PLEKHA8: variants seen among roughly 807,000 people sequenced by gnomAD.
PLEKHA8 encodes the protein pleckstrin homology domain-containing family A member 8.
A neutral mutation model predicts 68.2 loss-of-function variants in PLEKHA8; 36 were observed. The observed-to-expected ratio is 0.53, with a 90% CI of 0.40 to 0.70. The LOEUF (loss-of-function observed/expected upper bound fraction) is 0.70. PLEKHA8 is among the 30% of genes least tolerant of loss of function. PLEKHA8 has a pLI of 0.00. For synonymous variants in PLEKHA8, 211 were observed against 216.1 expected, an observed-to-expected ratio of 0.98 and a Z score of 0.20; for missense variants, 505 against 615.4, an observed-to-expected ratio of 0.82 and a Z score of 1.90.
At chr7:30,050,498 C>A in intron 6 of PLEKHA8, 24 bp downstream of exon 6, 2 of 1,529,726 alleles carry the variant, frequency 1.3e-6, no homozygotes, top group Non-Finnish European at 1.8e-6. Flanking sequence ...TTTCTTCTTG[C>A]TAAAAATTAA....
intron 13 of PLEKHA8, among the ~76,000 whole-genome samples, chr7:30,115,549 CG>C (rs1796413461): frequency 4.0e-5 from 2 of 50,382 alleles, no homozygotes; most frequent in Admixed American, 2.9e-4. Flanking sequence ...TACACATGCA[CG>C]TATACATGTA....
chr7:30,089,997 A>G (rs1484415989), intron 12 of PLEKHA8, among the ~76,000 whole-genome samples: 1 of 152,262 alleles, frequency 6.6e-6, no homozygotes, highest in East Asian at 1.9e-4. Flanking sequence ...AATTCCTGAA[A>G]GGATAAATGT....
chr7:30,056,154 A>G (rs1792838153), intron 9 of PLEKHA8, among the ~76,000 whole-genome samples: 1 of 150,484 alleles, frequency 6.6e-6, no homozygotes, highest in East Asian at 2.0e-4. Flanking sequence ...TGTGTTTGCC[A>G]GGATAGTCTT....
chr7:30,084,599 AT>A lies in PLEKHA8; in HGVS notation c.*5813del. On this transcript the variant is annotated 3_prime_UTR_variant, in exon 14 of 14. Transcript: ENST00000449726. ...ACTTTTTTTGCAAAAATGTTTGAAA[AT>A]ATCTGTCAGATTTTATATTCGTTAG... The A allele has an allele frequency of 1.0e-6, 1 of 955,250 alleles. No individual in the cohort carries two copies. Among genetic ancestry groups the A allele is most frequent in the Non-Finnish European group, 1.2e-6 (1 of 802,684 alleles). The allele number at this position is 955,250 out of a possible 1,614,324, so 59.2% of individuals were successfully genotyped here.
In PLEKHA8 at chr7:30,078,836, T is replaced by C; in HGVS notation, c.*49T>C. 2 of 1,579,212 alleles carry C rather than the reference T, an allele frequency of 1.3e-6. No individual in the cohort carries two copies. The highest frequency in any genetic ancestry group is 1.4e-5 in the African/African-American group (1 of 74,018). ...ACTTCAGGGAATAAGTGCTAAAGTGTTTTGTTGCCCTACTTAATTTCCAGC... is the reference window on the plus strand; with the variant it reads ...ACTTCAGGGAATAAGTGCTAAAGTGCTTTGTTGCCCTACTTAATTTCCAGC... On this transcript the variant is annotated 3_prime_UTR_variant, in exon 14 of 14. Coordinates refer to ENST00000449726, the MANE Select transcript of PLEKHA8 (RefSeq NM_001197026.2).
intron 1 of PLEKHA8, among the ~76,000 whole-genome samples, 167 bp downstream of exon 1, chr7:30,028,969 C>A (rs1790435858): frequency 6.6e-6 from 1 of 152,210 alleles, no homozygotes; most frequent in Admixed American, 6.5e-5. Context: ...ACCGTGTCGC[C>A]GTGCAGGACG....
In PLEKHA8 at chr7:30,080,604, A is replaced by C. The variant is rs1562537546; in HGVS notation, c.*1817A>C. ...ATTAATTAGGTATTTTGCCCACATA[A>C]AGACTTCTGGAAAATACTTAAACTT... On this transcript the variant is annotated 3_prime_UTR_variant, in exon 14 of 14. Coordinates refer to ENST00000449726, the MANE Select transcript of PLEKHA8 (RefSeq NM_001197026.2). 1 of 985,256 alleles carries C rather than the reference A, an allele frequency of 1.0e-6. No individual in the cohort carries two copies. The allele number at this position is 985,256 out of a possible 1,614,324, so 61.0% of individuals were successfully genotyped here.
chr7:30,054,994 C>A, intron 8 of PLEKHA8, 129 bp downstream of exon 8: 2 of 945,904 alleles, frequency 2.1e-6, no homozygotes, highest in Non-Finnish European at 3.2e-6. Flanking sequence ...CAAGTACCTG[C>A]TTTACTGTTT....
intron 1 of PLEKHA8, among the ~76,000 whole-genome samples, chr7:30,034,742 A>G (rs370159981): frequency 2.6e-5 from 4 of 152,338 alleles, no homozygotes; most frequent in South Asian, 2.1e-4. Flanking sequence ...CCGCATGTGC[A>G]CGGTTGAAAT....
chr7:30,090,603 G>C (rs1308737330), exon 13 of PLEKHA8: 1 of 173,738 alleles, frequency 5.8e-6, no homozygotes, highest in African/African-American at 2.4e-5. Flanking sequence ...AATAAATTGG[G>C]AATGGGAGAA....
rs1790389119 is a variant in PLEKHA8, at chr7:30,028,611, A to AGGCGGGCCGGGCGTCCCCAC, written c.-151_-132dup. 1 of 481,196 alleles carries AGGCGGGCCGGGCGTCCCCAC rather than the reference A, an allele frequency of 2.1e-6. No homozygotes were observed. The highest frequency in any genetic ancestry group is 3.3e-6 in the Non-Finnish European group (1 of 305,464). 29.8% of individuals were successfully genotyped at this position (481,196 alleles called of 1,614,324 possible). On this transcript the variant is annotated 5_prime_UTR_variant, in exon 1 of 14. Coordinates refer to ENST00000449726, the MANE Select transcript of PLEKHA8 (RefSeq NM_001197026.2). ...ACCCCGCCCCCGGGCCGAGGATGTGAGGCGGGCCGGGCGTCCCCACACCGG... is the reference window on the plus strand; with the variant it reads ...ACCCCGCCCCCGGGCCGAGGATGTGAGGCGGGCCGGGCGTCCCCACGGCGGGCCGGGCGTCCCCACACCGG...
chr7:30,050,908 T>A (rs1474468500), intron 6 of PLEKHA8: 1 of 152,492 alleles, frequency 6.6e-6, no homozygotes, highest in Non-Finnish European at 1.5e-5. Context: ...AAATCTAAAC[T>A]ATTTCTATTC....
At chr7:30,115,863 C>T (rs1200991381) in intron 13 of PLEKHA8, 60 of 147,126 alleles carry the variant, frequency 4.1e-4, no homozygotes, top group Middle Eastern at 3.6e-3. Flanking sequence ...TACATACGTG[C>T]ACATACATGT....
chr7:30,121,090 G>A (rs1796689004), intron 13 of PLEKHA8, among the ~76,000 whole-genome samples: 1 of 151,892 alleles, frequency 6.6e-6, no homozygotes, highest in East Asian at 1.9e-4. Flanking sequence ...TAGAACCAAA[G>A]GATACATACT....
At chr7:30,073,563 T>TAAAAAAAA (rs35738941) in intron 12 of PLEKHA8, among the ~76,000 whole-genome samples, 23 of 111,764 alleles carry the variant, frequency 2.1e-4, no homozygotes, top group African/African-American at 8.2e-4. Flanking sequence ...TTGTGTTTCT[T>TAAAAAAAA]AAAAAAAAAA....
At position 30,083,746 on chromosome 7, in the gene PLEKHA8, G is replaced by A. The variant is rs536890507; in HGVS notation, c.*4959G>A. ...GAACAAATGTTTTCAGCTAAGCTAT[G>A]TGAGAATGTAAGAATAATATCCTGC... On this transcript the variant is annotated 3_prime_UTR_variant, in exon 14 of 14. Transcript: ENST00000449726. 4.1e-6 allele frequency: 4 copies of A among 985,104 alleles called. No individual in the cohort carries two copies. In the African/African-American group the frequency reaches 7.0e-5, roughly 17 times the overall value. The allele number at this position is 985,104 out of a possible 1,614,324, so 61.0% of individuals were successfully genotyped here. A position where few individuals can be genotyped will look rare whatever the true frequency, so the allele number is the denominator to read the frequency against.
At chr7:30,105,970 A>C (rs1796040238) in intron 13 of PLEKHA8, among the ~76,000 whole-genome samples, 1 of 152,184 alleles carries the variant, frequency 6.6e-6, no homozygotes, top group Non-Finnish European at 1.5e-5. Flanking sequence ...TTAGAAACAG[A>C]ATTCCCTATT....
chr7:30,050,358 T>G, intron 5 of PLEKHA8, 76 bp from the exon 6 acceptor site: 3 of 1,492,254 alleles, frequency 2.0e-6, no homozygotes, highest in Non-Finnish European at 2.7e-6. Context: ...TTTACCATTT[T>G]GTATGTAATA....
intron 1 of PLEKHA8, among the ~76,000 whole-genome samples, 168 bp downstream of exon 1, chr7:30,028,970 G>GTGC (rs1562845247): frequency 6.6e-6 from 1 of 152,210 alleles, no homozygotes; most frequent in East Asian, 1.9e-4. Context: ...CCGTGTCGCC[G>GTGC]TGCAGGACGA....
Sources: gnomAD v4.1 joint callset for allele counts (sites outside exome capture counted in the v4.1 genomes callset) on GRCh38, gnomAD v4.1.1 for gene constraint, MANE v1.5 for transcripts, NCBI Gene and HGNC (gene_info 2026-07-23, HGNC 2026-07-21) for gene names.